LRP1B: variants seen among roughly 807,000 people sequenced by gnomAD.
LRP1B encodes low-density lipoprotein receptor-related protein 1B.
A neutral mutation model predicts 556.6 loss-of-function variants in LRP1B; 217 were observed. The ratio of observed to expected loss-of-function variants is 0.39; its 90% CI spans 0.35 to 0.44. LRP1B has a LOEUF of 0.44. Among genes scored for constraint, LRP1B ranks in the 20% least tolerant of loss-of-function variants. The pLI is 1.00. For synonymous variants in LRP1B, 2,047 were observed against 1,865.8 expected (o/e 1.10, Z -2.50); for missense variants, 5,053 against 5,620.8 (o/e 0.90, Z 3.23).
At chr2:141,265,824 C>G (rs972172964) in intron 3 of LRP1B, among the ~76,000 whole-genome samples, 30 of 152,274 alleles carry the variant, frequency 2.0e-4, no homozygotes, top group Non-Finnish European at 1.3e-4. Context: ...GAAACACATT[C>G]AGTTTGTATG....
In LRP1B at chr2:141,480,387, T is replaced by G. The variant is rs555097199; in HGVS notation, c.343+9A>C. 45 of 1,613,834 alleles carry G rather than the reference T, an allele frequency of 2.8e-5. No individual in the cohort carries two copies. The South Asian group carries it at 4.2e-4, about 15-fold the overall frequency. On this transcript the variant is annotated intron_variant, in intron 3 of 90. Coordinates refer to ENST00000389484, the MANE Select transcript of LRP1B (RefSeq NM_018557.3). ...TATTTCAGTTGCATTGTTCCACAAA[T>G]GGACTCACCCTGACAATGTACTCCT... is the stretch of plus-strand genomic sequence containing the variant.
At chr2:141,876,996 AC>A (rs1346985300) in intron 1 of LRP1B, among the ~76,000 whole-genome samples, 2 of 152,010 alleles carry the variant, frequency 1.3e-5, no homozygotes, top group Non-Finnish European at 2.9e-5. Context: ...ACAAATTAAA[AC>A]AAGAAGGAAA....
intron 86 of LRP1B, among the ~76,000 whole-genome samples, chr2:140,262,761 A>T: frequency 6.6e-6 from 1 of 152,118 alleles, no homozygotes; most frequent in East Asian, 1.9e-4. Context: ...CCCTTTGTGA[A>T]TGCCCAAGCA....
chr2:140,690,637 AGAG>A (rs915814197), intron 41 of LRP1B, among the ~76,000 whole-genome samples: 6 of 152,150 alleles, frequency 3.9e-5, no homozygotes, highest in Admixed American at 3.9e-4. Flanking sequence ...AACAAAATGA[AGAG>A]GAGATTTCAT....
intron 60 of LRP1B, among the ~76,000 whole-genome samples, chr2:140,470,644 C>CAAAA (rs35981828): frequency 2.2e-4 from 13 of 58,548 alleles, no homozygotes; most frequent in Non-Finnish European, 3.0e-4. Flanking sequence ...GACTCTGTCT[C>CAAAA]AAAAAAAAAA....
chr2:140,237,763 C>T (rs1396934358), intron 89 of LRP1B, among the ~76,000 whole-genome samples: 5 of 150,698 alleles, frequency 3.3e-5, no homozygotes, highest in Non-Finnish European at 7.4e-5. Flanking sequence ...CTTTATCTAT[C>T]TATATATCTA....
chr2:140,541,098 C>T lies in LRP1B; in HGVS notation c.7388G>A (p.Cys2463Tyr), dbSNP rs2105017435. 2 of 1,606,968 alleles carry T rather than the reference C, an allele frequency of 1.2e-6. No individual in the cohort carries two copies. Among genetic ancestry groups the T allele is most frequent in the Non-Finnish European group, 1.7e-6 (2 of 1,175,220 alleles). The change falls in exon 45 of 91, where the codon TGT (cysteine) becomes TAT (tyrosine). Residue 2463 changes from cysteine to tyrosine, a missense_variant and splice_region_variant. This residue lies in a region of LRP1B where 3,619 missense variants were observed against 3,931.9 expected (regional missense o/e 0.92). Transcript: ENST00000389484. ...CAATAATGCACATGGAGAAAGTTCA[C>T]CTACAATAAAGAGGGTGTATTGGTA... is the stretch of plus-strand genomic sequence containing the variant. ...IIAVANDTNS[C>Y]ELSPCALLNG...
intron 7 of LRP1B, among the ~76,000 whole-genome samples, chr2:141,183,504 T>C (rs1011469818): frequency 6.6e-6 from 1 of 152,042 alleles, no homozygotes; most frequent in Non-Finnish European, 1.5e-5. Context: ...TGAATTTAAC[T>C]TGAGATGAGC....
chr2:141,932,312 G>A (rs934058125), intron 1 of LRP1B, among the ~76,000 whole-genome samples: 1 of 151,978 alleles, frequency 6.6e-6, no homozygotes, highest in Non-Finnish European at 1.5e-5. Flanking sequence ...ATTTTAGCTT[G>A]AGAAAAGAGG....
chr2:141,630,940 C>T (rs1440111143), intron 2 of LRP1B, among the ~76,000 whole-genome samples: 1 of 152,176 alleles, frequency 6.6e-6, no homozygotes, highest in Non-Finnish European at 1.5e-5. Context: ...TTACAGTACT[C>T]TCCTTTTCAC....
chr2:141,134,101 C>A (rs72992726), intron 7 of LRP1B, among the ~76,000 whole-genome samples: 3 of 151,498 alleles, frequency 2.0e-5, no homozygotes, highest in Non-Finnish European at 4.4e-5. Flanking sequence ...TACCCGCCAC[C>A]GCCCACCCTC....
At chr2:141,115,452 G>GTT (rs1364204085) in intron 7 of LRP1B, among the ~76,000 whole-genome samples, 4 of 90,624 alleles carry the variant, frequency 4.4e-5, no homozygotes, top group African/African-American at 1.1e-4. Context: ...ATAGGTTTTT[G>GTT]TTTTTGTTTT....
chr2:141,728,775 C>T (rs1233275250), intron 2 of LRP1B, among the ~76,000 whole-genome samples: 1 of 152,142 alleles, frequency 6.6e-6, no homozygotes, highest in Non-Finnish European at 1.5e-5. Context: ...TCCCTTTATT[C>T]TGGAAAGACT....
chr2:140,754,850 AC>A lies in LRP1B; in HGVS notation c.5758+14362del, dbSNP rs1688692178. ...ATTTTTAAAAATACAGAGAGGAAAA[AC>A]AACAGAAAATACTAACAAAATCAAA... On this transcript the variant is annotated intron_variant, in intron 35 of 90. Coordinates refer to ENST00000389484, the MANE Select transcript of LRP1B (RefSeq NM_018557.3). Among the ~76,000 whole-genome samples, 3 of 151,986 alleles carry A rather than the reference AC, an allele frequency of 2.0e-5. No individual in the cohort carries two copies. In the South Asian group the frequency reaches 6.2e-4, roughly 32 times the overall value.
chr2:140,278,510 T>C (rs1682783322), intron 84 of LRP1B, among the ~76,000 whole-genome samples: 2 of 152,028 alleles, frequency 1.3e-5, no homozygotes, highest in Admixed American at 1.3e-4. Flanking sequence ...GTTCACTTTT[T>C]ATGCTTTACA....
At chr2:141,619,523 G>C (rs1202546340) in intron 2 of LRP1B, among the ~76,000 whole-genome samples, 6 of 152,288 alleles carry the variant, frequency 3.9e-5, no homozygotes, top group African/African-American at 1.4e-4. Flanking sequence ...CAATTAATTT[G>C]CATTGTAATC....
At chr2:140,659,088 C>G (rs1417900559) in intron 41 of LRP1B, among the ~76,000 whole-genome samples, 8 of 112,710 alleles carry the variant, frequency 7.1e-5, no homozygotes, top group Non-Finnish European at 1.7e-5. Flanking sequence ...TGTCCCTAAA[C>G]TGTAAATCTG....
intron 6 of LRP1B, among the ~76,000 whole-genome samples, chr2:141,224,582 CA>C (rs1296551120): frequency 6.6e-6 from 1 of 152,056 alleles, no homozygotes; most frequent in African/African-American, 2.4e-5. Flanking sequence ...GAATGCCCAT[CA>C]ATGGTAGACT....
intron 7 of LRP1B, among the ~76,000 whole-genome samples, chr2:141,133,203 T>C (rs1701403357): frequency 2.0e-5 from 3 of 151,438 alleles, no homozygotes; most frequent in African/African-American, 4.8e-5. Flanking sequence ...TTTTTTCAAA[T>C]TATTCTATTC....
Sources: gnomAD v4.1 joint callset for allele counts (sites outside exome capture counted in the v4.1 genomes callset) on GRCh38, gnomAD v4.1.1 for gene constraint, gnomAD v4.1.1 regional missense constraint, MANE v1.5 for transcripts, NCBI Gene and HGNC (gene_info 2026-07-23, HGNC 2026-07-21) for gene names.